GJB2: variants seen among roughly 807,000 people sequenced by gnomAD.
GJB2 encodes gap junction beta-2 protein.
GJB2 carries 30 observed loss-of-function variants against 16.0 expected under a neutral mutation model. The ratio of observed to expected loss-of-function variants is 1.88; its 90% CI spans 1.41 to 2.55. The LOEUF is 2.55. Among genes scored for constraint, GJB2 ranks in the 30% most tolerant of loss-of-function variants. The pLI is 0.00. For missense variants in GJB2, 284 were observed against 289.7 expected (o/e 0.98, Z 0.14); for synonymous variants, 123 against 119.1 (o/e 1.03, Z -0.21).
At position 20,189,315 on chromosome 13, in the gene GJB2, G is replaced by A. The variant is rs727503067; in HGVS notation, c.267C>T (p.Leu89=). ...LQLIFVSTPA[L]LVAMHVAYRR... ...GGTAGGCCACGTGCATGGCCACTAG[G>A]AGCGCTGGCGTGGACACGAAGATCA... Residue 89 remains leucine, a synonymous_variant, in exon 2 of 2, where the codon CTC becomes CTT. Transcript: ENST00000382848. 5.6e-6 allele frequency: 9 copies of A among 1,614,022 alleles called. No individual in the cohort carries two copies. The highest frequency in any genetic ancestry group is 1.3e-5 in the African/African-American group (1 of 75,024).
Position 20,189,240 on chromosome 13 carries a change from T to TTCAC in GJB2, c.338_341dup (p.Phe115Ter), listed in dbSNP as rs1555341926. On this transcript the variant is annotated stop_gained and frameshift_variant, in exon 2 of 2. Transcript: ENST00000382848. LOFTEE classifies it high-confidence loss of function. ...TTTTGATCTCCTCGATGTCCTTAAATTCACTCTTTATCTCCCCCTTGATGA... is the reference window on the plus strand; with the variant it reads ...TTTTGATCTCCTCGATGTCCTTAAATTCACTCACTCTTTATCTCCCCCTTGATGA... 6.2e-7 allele frequency: 1 copy of TTCAC among 1,613,670 alleles called. No individual in the cohort carries two copies. The highest frequency in any genetic ancestry group is 1.7e-5 in the Admixed American group (1 of 60,032).
intron 1 of GJB2, among the ~76,000 whole-genome samples, chr13:20,190,633 TCTC>T (rs1374780474): frequency 6.6e-6 from 1 of 152,186 alleles, no homozygotes; most frequent in Non-Finnish European, 1.5e-5. Context: ...CAGTGGATAA[TCTC>T]CTGTGAGCCC....
intron 1 of GJB2, among the ~76,000 whole-genome samples, chr13:20,191,302 ACT>A (rs1959075059): frequency 2.0e-5 from 3 of 151,968 alleles, no homozygotes; most frequent in South Asian, 4.2e-4. Context: ...CCCGAAGTAA[ACT>A]CTCTCCTGGT....
At chr13:20,192,377 G>C (rs1868372984) in intron 1 of GJB2, among the ~76,000 whole-genome samples, 1 of 152,228 alleles carries the variant, frequency 6.6e-6, no homozygotes. Flanking sequence ...CGGCGAAACG[G>C]AGCTTTGCTT....
In GJB2 at chr13:20,189,274, T is replaced by C. The variant is rs915521910; in HGVS notation, c.308A>G (p.Lys103Arg). 3.7e-6 allele frequency: 6 copies of C among 1,613,780 alleles called. No homozygotes were observed. In the Admixed American group the frequency reaches 1.0e-4, roughly 27 times the overall value. Residue 103 changes from lysine (K) to arginine (R), a missense_variant, in exon 2 of 2, where the codon AAG becomes AGG. Transcript: ENST00000382848. ...TATCTCCCCCTTGATGAACTTCCTCTTCTTCTCATGTCTCCGGTAGGCCAC... is the reference window on the plus strand; with the variant it reads ...TATCTCCCCCTTGATGAACTTCCTCCTCTTCTCATGTCTCCGGTAGGCCAC... ...MHVAYRRHEK[K>R]RKFIKGEIKS...
chr13:20,189,543 C>T lies in GJB2; in HGVS notation c.39G>A (p.Val13=), dbSNP rs1415433002. 6.2e-7 allele frequency: 1 copy of T among 1,613,874 alleles called. No homozygotes were observed. The highest frequency in any genetic ancestry group is 1.3e-5 in the African/African-American group (1 of 74,894). Residue 13 remains valine (V), a synonymous_variant, in exon 2 of 2, where the codon GTG becomes GTA. Transcript: ENST00000382848. ...WGTLQTILGG[V]NKHSTSIGKI... is the part of the protein sequence containing the mutation. The stretch of plus-strand genomic sequence containing the variant: ...TTCCAATGCTGGTGGAGTGTTTGTT[C>T]ACACCCCCCAGGATCGTCTGCAGCG...
At position 20,189,481 on chromosome 13, in the gene GJB2, A is replaced by G. The variant is rs35887622; in HGVS notation, c.101T>C (p.Met34Thr). 0.012 allele frequency: 19,435 copies of G among 1,614,028 alleles called. 158 individuals are homozygous for G. The highest frequency in any genetic ancestry group is 0.014 in the Non-Finnish European group (16,546 of 1,179,862). Residue 34 changes from methionine (M) to threonine (T), a missense_variant, in exon 2 of 2, where the codon ATG becomes ACG. Met to Thr is a moderately conservative substitution (Grantham distance 81). Transcript: ENST00000382848. Reference sequence around the variant, plus strand: ...CTCCTTTGCAGCCACAACGAGGATCATAATGCGAAAAATGAAGAGGACGGT... The same window carrying G: ...CTCCTTTGCAGCCACAACGAGGATCGTAATGCGAAAAATGAAGAGGACGGT... ...WLTVLFIFRI[M>T]ILVVAAKEVW...
chr13:20,189,288 C>T lies in GJB2; in HGVS notation c.294G>A (p.Arg98=), dbSNP rs1334783390. ...TGAACTTCCTCTTCTTCTCATGTCT[C>T]CGGTAGGCCACGTGCATGGCCACTA... is the stretch of plus-strand genomic sequence containing the variant. The part of the protein sequence containing the change: ...ALLVAMHVAY[R]RHEKKRKFIK... Residue 98 remains arginine, a synonymous_variant, in exon 2 of 2, where the codon CGG becomes CGA. Coordinates refer to ENST00000382848, the MANE Select transcript of GJB2 (RefSeq NM_004004.6). 6.2e-7 allele frequency: 1 copy of T among 1,613,980 alleles called. No homozygotes were observed. Among genetic ancestry groups the T allele is most frequent in the South Asian group, 1.1e-5 (1 of 91,086 alleles).
rs1959050572 is a variant in GJB2 at position 20,188,256 on chromosome 13, C to T, written c.*645G>A. 1 of 152,384 alleles carries T rather than the reference C, an allele frequency of 6.6e-6. No homozygotes were observed. Among genetic ancestry groups the T allele is most frequent in the Non-Finnish European group, 1.5e-5 (1 of 68,214 alleles). 9.4% of individuals were successfully genotyped at this position (152,384 alleles called of 1,614,324 possible). On this transcript the variant is annotated 3_prime_UTR_variant, in exon 2 of 2. Transcript: ENST00000382848. ...CAAAAGACCATATTTCAAATTAAATCATAGTAGCGAATGACATACCATTTA... is the reference window on the plus strand; with the variant it reads ...CAAAAGACCATATTTCAAATTAAATTATAGTAGCGAATGACATACCATTTA...
chr13:20,190,173 T>A (rs9579800), intron 1 of GJB2, among the ~76,000 whole-genome samples: 11,124 of 152,348 alleles, frequency 0.073, 1,339 homozygotes, highest in African/African-American at 0.25. Context: ...ATGTCTTGAA[T>A]GAATTTTCAC....
intron 1 of GJB2, among the ~76,000 whole-genome samples, chr13:20,190,896 A>T (rs931501306): frequency 2.0e-5 from 3 of 152,196 alleles, no homozygotes; most frequent in Non-Finnish European, 4.4e-5. Context: ...CTCGTAGTGA[A>T]TGTCTTTCAT....
chr13:20,190,587 T>A (rs1959070801), intron 1 of GJB2, among the ~76,000 whole-genome samples: 1 of 151,810 alleles, frequency 6.6e-6, no homozygotes, highest in South Asian at 2.1e-4. Context: ...CTTGGGAGAG[T>A]CCCACACTCC....
intron 1 of GJB2, 182 bp from the exon 2 acceptor site, chr13:20,189,785 A>G: frequency 1.5e-6 from 1 of 645,606 alleles, no homozygotes; most frequent in East Asian, 2.8e-5. Context: ...TTAAATGTAT[A>G]GTTCCCAAAC....
chr13:20,192,554 C>T (rs1244239130), intron 1 of GJB2, among the ~76,000 whole-genome samples: 1 of 152,158 alleles, frequency 6.6e-6, no homozygotes, highest in African/African-American at 2.4e-5. Context: ...CCACTCGCAC[C>T]CCGGGCGGTG....
chr13:20,189,345 C>T lies in GJB2; in HGVS notation c.237G>A (p.Leu79=). 6.2e-7 allele frequency: 1 copy of T among 1,614,158 alleles called. No individual in the cohort carries two copies. Among genetic ancestry groups the T allele is most frequent in the South Asian group, 1.1e-5 (1 of 91,084 alleles). ...FPISHIRLWA[L]QLIFVSTPAL... ...CTGGCGTGGACACGAAGATCAGCTG[C>T]AGGGCCCATAGCCGGATGTGGGAGA... Residue 79 remains leucine (L), a synonymous_variant, in exon 2 of 2, where the codon CTG becomes CTA. Transcript: ENST00000382848.
chr13:20,191,232 A>C (rs917210181), intron 1 of GJB2, among the ~76,000 whole-genome samples: 9 of 152,284 alleles, frequency 5.9e-5, no homozygotes, highest in Non-Finnish European at 1.2e-4. Flanking sequence ...TTTTAACAAA[A>C]GCATCTTATG....
At chr13:20,190,594 C>A (rs1959070872) in intron 1 of GJB2, among the ~76,000 whole-genome samples, 1 of 152,238 alleles carries the variant, frequency 6.6e-6, no homozygotes, top group Admixed American at 6.5e-5. Flanking sequence ...GAGTCCCACA[C>A]TCCTTACTGC....
At chr13:20,189,764 T>C (rs555604000) in intron 1 of GJB2, 161 bp from the exon 2 acceptor site, 9 of 675,522 alleles carry the variant, frequency 1.3e-5, no homozygotes, top group Non-Finnish European at 2.5e-5. Flanking sequence ...CCAACTTAGT[T>C]TGTCATAGGA....
chr13:20,188,154 C>T lies in GJB2; in HGVS notation c.*747G>A, dbSNP rs1959050079. 1 of 152,218 alleles carries T rather than the reference C, an allele frequency of 6.6e-6. No individual in the cohort carries two copies. Among genetic ancestry groups the T allele is most frequent in the Non-Finnish European group, 1.5e-5 (1 of 68,048 alleles). The allele number at this position is 152,218 out of a possible 1,614,324, so 9.4% of individuals were successfully genotyped here. On this transcript the variant is annotated 3_prime_UTR_variant, in exon 2 of 2. Transcript: ENST00000382848. ...TCTAGTCTGTCTCACTCGATTGAGG[C>T]TACAATGTTGTTAGGTGCTATGACC...
Sources: gnomAD v4.1 joint callset for allele counts (sites outside exome capture counted in the v4.1 genomes callset) on GRCh38, gnomAD v4.1.1 for gene constraint, MANE v1.5 for transcripts, NCBI Gene and HGNC (gene_info 2026-07-23, HGNC 2026-07-21) for gene names.